PLXND1: variants seen among roughly 807,000 people sequenced by gnomAD.
PLXND1 encodes the protein plexin D1.
Under a neutral mutation model 197.7 loss-of-function variants are expected in PLXND1, and 54 were observed. That is an observed-to-expected ratio of 0.27 (90% CI 0.22 to 0.34). The LOEUF (loss-of-function observed/expected upper bound fraction) is 0.34. PLXND1 is among the 10% of genes least tolerant of loss of function. PLXND1 has a pLI of 1.00. For synonymous variants in PLXND1, 1,180 were observed against 1,161.2 expected (o/e 1.02, Z -0.33); for missense variants, 2,127 against 2,699.2 (o/e 0.79, Z 4.70).
intron 27 of PLXND1, chr3:129,562,385 CTG>C (rs1470479968): frequency 4.2e-6 from 1 of 238,166 alleles, no homozygotes; most frequent in African/African-American, 2.2e-5. Flanking sequence ...TGGTGCACTC[CTG>C]TAGTCCCAGC....
chr3:129,575,740 G>A lies in PLXND1; in HGVS notation c.2436+26C>T, dbSNP rs367960252. 53 of 1,532,538 alleles carry A rather than the reference G, an allele frequency of 3.5e-5. No homozygotes were observed. In the African/African-American group the frequency reaches 4.5e-4, roughly 13 times the overall value. 94.9% of individuals were successfully genotyped at this position (1,532,538 alleles called of 1,614,324 possible). A position where few individuals can be genotyped will look rare whatever the true frequency, so the allele number is the denominator to read the frequency against. On this transcript the variant is annotated intron_variant, in intron 10 of 35. Transcript: ENST00000324093. The stretch of plus-strand genomic sequence containing the variant: ...TGGACTTAACGCAGGCCCGCCCTCC[G>A]CCCATGCTGGAGTCACCCCACTCAC...
In PLXND1 at chr3:129,606,551, G is replaced by T. The variant is rs778631621; in HGVS notation, c.89C>A (p.Pro30Gln). The T allele has an allele frequency of 3.9e-6, 5 of 1,278,632 alleles. No homozygotes were observed. The African/African-American group carries it at 6.2e-5, about 16-fold the overall frequency. 79.2% of individuals were successfully genotyped at this position (1,278,632 alleles called of 1,614,324 possible). ...PPPFQTPPRC[P>Q]VPLLLLLLLG... ...GAGCAGCAGCAACAGCAGCGGCACC[G>T]GGCACCGCGGCGGCGTCTGGAACGG... The change falls in exon 1 of 36, where the codon CCG becomes CAG. Residue 30 changes from proline to glutamine, a missense_variant. Around this residue, in one of 6 missense-constraint regions of PLXND1, gnomAD observed 245 missense variants for 267.1 expected, o/e 0.92. Transcript: ENST00000324093.
intron 30 of PLXND1, 116 bp downstream of exon 30, chr3:129,560,572 AC>A (rs1240979406): frequency 1.8e-5 from 17 of 966,832 alleles, no homozygotes; most frequent in Non-Finnish European, 2.6e-5. Context: ...CTACTCCCCC[AC>A]CCCCCAGCCT....
At chr3:129,574,598 G>A (rs2085285892) in intron 11 of PLXND1, 108 bp from the exon 12 acceptor site, 2 of 1,135,574 alleles carry the variant, frequency 1.8e-6, no homozygotes, top group Non-Finnish European at 2.5e-6. Flanking sequence ...CCCCATCATT[G>A]TGGTGCCCCA....
chr3:129,586,269 C>A lies in PLXND1; in HGVS notation c.1624G>T (p.Ala542Ser), dbSNP rs1320676066. The A allele has an allele frequency of 6.4e-7, 1 of 1,572,496 alleles. No homozygotes were observed. The highest frequency in any genetic ancestry group is 8.6e-7 in the Non-Finnish European group (1 of 1,165,278). The change falls in exon 4 of 36, where the codon GCC becomes TCC. Residue 542 changes from alanine to serine, a missense_variant. Physicochemically the swap from Ala to Ser is moderately conservative, Grantham distance 99 (BLOSUM62 1). Around this residue, in one of 6 missense-constraint regions of PLXND1, gnomAD observed 1,095 missense variants for 1,259.8 expected, o/e 0.87. Transcript: ENST00000324093. ...TTGCAGGCGGCGACCTTCACCCTGG[C>A]CATCTGGGGGCAGAGGTGGGGGCCC... ...YLYLMTSHQMARVKVAACNVH... is the reference protein window; with the variant it reads ...YLYLMTSHQMSRVKVAACNVH...
intron 1 of PLXND1, among the ~76,000 whole-genome samples, chr3:129,598,647 G>A (rs1470302049): frequency 6.6e-6 from 1 of 152,170 alleles, no homozygotes; most frequent in Non-Finnish European, 1.5e-5. Context: ...TCTCACAGGG[G>A]CCTCGGCGGA....
At position 129,556,325 on chromosome 3, in the gene PLXND1, T is replaced by A; in HGVS notation, c.5765A>T (p.Tyr1922Phe). Reference sequence around the variant, plus strand: ...TCTCCATGTGTCTCAGGCCTCACTGTAGCACTCGTAGATGTTGTCCTCCAT... The same window carrying A: ...TCTCCATGTGTCTCAGGCCTCACTGAAGCACTCGTAGATGTTGTCCTCCAT... ...ALMEDNIYEC[Y>F]SEA Residue 1922 changes from tyrosine to phenylalanine, a missense_variant, in exon 36 of 36, where the codon TAC becomes TTC. Transcript: ENST00000324093. 2 of 1,609,648 alleles carry A rather than the reference T, an allele frequency of 1.2e-6. No homozygotes were observed. Among genetic ancestry groups the A allele is most frequent in the Non-Finnish European group, 1.7e-6 (2 of 1,175,824 alleles).
chr3:129,606,537 A>G lies in PLXND1; in HGVS notation c.103T>C (p.Leu35=). The G allele has an allele frequency of 7.5e-7, 1 of 1,336,530 alleles. No homozygotes were observed. The highest frequency in any genetic ancestry group is 9.6e-7 in the Non-Finnish European group (1 of 1,046,302). 82.8% of individuals were successfully genotyped at this position (1,336,530 alleles called of 1,614,324 possible). ...TPPRCPVPLL[L]LLLLGAARAG... ...CGCGCCGCCCCCAGGAGCAGCAGCA[A>G]CAGCAGCGGCACCGGGCACCGCGGC... Residue 35 remains leucine, a synonymous_variant, in exon 1 of 36, where the codon TTG becomes CTG. Coordinates refer to ENST00000324093, the MANE Select transcript of PLXND1 (RefSeq NM_015103.3).
At chr3:129,600,051 C>T (rs746932904) in intron 1 of PLXND1, among the ~76,000 whole-genome samples, 5 of 152,232 alleles carry the variant, frequency 3.3e-5, no homozygotes, top group African/African-American at 4.8e-5. Context: ...AGCTCGGCGA[C>T]GGTTTTTATT....
rs182055404 is a variant in PLXND1, at chr3:129,561,730, G to A, written c.4930-21C>T. On this transcript the variant is annotated intron_variant, in intron 28 of 35. Transcript: ENST00000324093. The stretch of plus-strand genomic sequence containing the variant: ...GGGATCTGATGGGAGGGGAGAGGCC[G>A]AGGTCAGAGGCCGGAGGTTGGGGTG... 9,146 of 1,580,128 alleles carry A rather than the reference G, an allele frequency of 5.8e-3. 30 individuals are homozygous for A. The highest frequency in any genetic ancestry group is 7.1e-3 in the Non-Finnish European group (8,197 of 1,159,262).
At chr3:129,579,344 C>G in intron 8 of PLXND1, among the ~76,000 whole-genome samples, 1 of 152,114 alleles carries the variant, frequency 6.6e-6, no homozygotes, top group South Asian at 2.1e-4. Flanking sequence ...GAGGTCTAGC[C>G]CCGCTGCAGG....
At chr3:129,571,013 G>A (rs773495230) in intron 18 of PLXND1, 27 bp downstream of exon 18, 33 of 1,612,702 alleles carry the variant, frequency 2.0e-5, no homozygotes, top group Non-Finnish European at 2.5e-5. Flanking sequence ...GCTTGCCCCC[G>A]CCTACCCCGG....
chr3:129,584,684 G>A (rs1374686744), intron 5 of PLXND1, 122 bp from the exon 6 acceptor site: 2 of 924,814 alleles, frequency 2.2e-6, no homozygotes. Flanking sequence ...AGGGGTAGTG[G>A]TGGCCAGGAC....
rs1444497790 is a variant in PLXND1, at chr3:129,565,350, C to T, written c.4511G>A (p.Ser1504Asn). The change falls in exon 25 of 36, where the codon AGC becomes AAC. Residue 1504 changes from serine to asparagine, a missense_variant. Coordinates refer to ENST00000324093, the MANE Select transcript of PLXND1 (RefSeq NM_015103.3). ...CCCAGGCAGCCTCACCCGCAGACAG[C>T]TGTACATGCAGATGGACATCCAGTT... ...LTNWMSICMY[S>N]CLRETVGEPF... is the part of the protein sequence containing the mutation. 1 of 1,613,652 alleles carries T rather than the reference C, an allele frequency of 6.2e-7. No homozygotes were observed. The highest frequency in any genetic ancestry group is 8.5e-7 in the Non-Finnish European group (1 of 1,179,654).
In PLXND1 at chr3:129,556,486, G is replaced by A. The variant is rs892254133; in HGVS notation, c.5662-58C>T. 4 of 1,437,954 alleles carry A rather than the reference G, an allele frequency of 2.8e-6. No homozygotes were observed. In the African/African-American group the frequency reaches 5.6e-5, roughly 20 times the overall value. The allele number at this position is 1,437,954 out of a possible 1,614,324, so 89.1% of individuals were successfully genotyped here. A position where few individuals can be genotyped will look rare whatever the true frequency, so the allele number is the denominator to read the frequency against. ...GCCGGTAGCCCTGCCTCAGTTCGTG[G>A]GAGAGAACACACCCCTGAACGTCTA... On this transcript the variant is annotated intron_variant, in intron 35 of 35. Transcript: ENST00000324093.
In PLXND1 at chr3:129,606,675, A is replaced by C. The variant is rs1287797624; in HGVS notation, c.-36T>G. ...GCGGGCTGCGCGGCGCGGCGAGTGC[A>C]TGGGGCGAGGCGCGGCCGGGAGCCG... On this transcript the variant is annotated 5_prime_UTR_variant, in exon 1 of 36. An upstream start codon of the reference 5' UTR is lost. Coordinates refer to ENST00000324093, the MANE Select transcript of PLXND1 (RefSeq NM_015103.3). 2 of 859,746 alleles carry C rather than the reference A, an allele frequency of 2.3e-6. No individual in the cohort carries two copies. The highest frequency in any genetic ancestry group is 1.4e-6 in the Non-Finnish European group (1 of 716,914). 53.3% of individuals were successfully genotyped at this position (859,746 alleles called of 1,614,324 possible).
At position 129,558,874 on chromosome 3, in the gene PLXND1, C is replaced by T. The variant is rs938852578; in HGVS notation, c.5298-299G>A. On this transcript the variant is annotated intron_variant, in intron 32 of 35. Coordinates refer to ENST00000324093, the MANE Select transcript of PLXND1 (RefSeq NM_015103.3). The surrounding 1 kb of genome is among the most constrained non-coding windows in gnomAD (Gnocchi z 4.1). ...CTCATTAGAACCAGGTGCCGGCCCC[C>T]GGGCACCCCTGGCTCCTCCCTGAAC... Among the ~76,000 whole-genome samples the T allele has an allele frequency of 1.2e-4, 18 of 152,174 alleles. No homozygotes were observed. The highest frequency in any genetic ancestry group is 2.5e-4 in the Non-Finnish European group (17 of 68,012).
intron 25 of PLXND1, among the ~76,000 whole-genome samples, chr3:129,563,826 C>T (rs1255229769): frequency 1.3e-5 from 2 of 152,180 alleles, no homozygotes; most frequent in Non-Finnish European, 2.9e-5. Context: ...CAGCAAGGGA[C>T]CCAGGTGTTC....
In PLXND1 at chr3:129,557,062, C is replaced by G; in HGVS notation, c.5586+21G>C. On this transcript the variant is annotated intron_variant, in intron 34 of 35. Coordinates refer to ENST00000324093, the MANE Select transcript of PLXND1 (RefSeq NM_015103.3). The surrounding 1 kb of genome is among the most constrained non-coding windows in gnomAD (Gnocchi z 4.8). ...CCCTCAGCTCTTCAGGCCCCCATCC[C>G]CCGCCGCCGAGCCACCGCACCCTCG... is the stretch of plus-strand genomic sequence containing the variant. The G allele has an allele frequency of 1.2e-6, 2 of 1,612,562 alleles. No individual in the cohort carries two copies. The highest frequency in any genetic ancestry group is 1.7e-6 in the Non-Finnish European group (2 of 1,179,860).
Sources: allele counts gnomAD v4.1 joint callset (sites outside exome capture counted in the v4.1 genomes callset), GRCh38; gene constraint gnomAD v4.1.1; regional missense constraint gnomAD v4.1.1; non-coding constraint Gnocchi (gnomAD v3.1); transcripts MANE v1.5; gene names NCBI Gene and HGNC (gene_info 2026-07-23, HGNC 2026-07-21).